NEK11: variants seen among roughly 807,000 people sequenced by gnomAD.
NEK11 encodes serine/threonine-protein kinase Nek11.
NEK11 carries 72 observed loss-of-function variants against 80.7 expected under a neutral mutation model. The observed-to-expected ratio is 0.89, with a 90% CI of 0.74 to 1.08. The LOEUF is 1.08. NEK11 is among the 50% of genes least tolerant of loss of function. The pLI is 0.00. For synonymous variants in NEK11, 251 were observed against 260.7 expected, an observed-to-expected ratio of 0.96 and a Z score of 0.36; for missense variants, 764 against 763.6, an observed-to-expected ratio of 1.00 and a Z score of -0.01.
At chr3:131,090,328 A>T (rs1488785743) in intron 4 of NEK11, among the ~76,000 whole-genome samples, 1 of 152,228 alleles carries the variant, frequency 6.6e-6, no homozygotes, top group Non-Finnish European at 1.5e-5. Context: ...TCAAAACCTT[A>T]GAAGTTAACA....
intron 3 of NEK11, among the ~76,000 whole-genome samples, chr3:131,050,346 G>A (rs575865196): frequency 2.0e-5 from 3 of 152,302 alleles, no homozygotes; most frequent in South Asian, 4.2e-4. Flanking sequence ...AGCCTTCTGA[G>A]ACAGGATCAG....
intron 3 of NEK11, among the ~76,000 whole-genome samples, chr3:131,050,903 G>T (rs915915906): frequency 9.9e-5 from 15 of 152,142 alleles, no homozygotes; most frequent in Non-Finnish European, 2.1e-4. Context: ...GCGCATGCCT[G>T]CAGTCTGTCC....
intron 17 of NEK11, among the ~76,000 whole-genome samples, chr3:131,277,080 T>C (rs562160284): frequency 6.6e-6 from 1 of 152,360 alleles, no homozygotes; most frequent in East Asian, 1.9e-4. Flanking sequence ...CTTTTGGTGG[T>C]AGCCTACATA....
intron 17 of NEK11, among the ~76,000 whole-genome samples, chr3:131,304,573 T>C (rs1168880953): frequency 6.6e-6 from 1 of 152,172 alleles, no homozygotes; most frequent in Non-Finnish European, 1.5e-5. Flanking sequence ...ATGGGTTTTT[T>C]GCTTTTATCG....
intron 5 of NEK11, among the ~76,000 whole-genome samples, chr3:131,126,874 C>T (rs1416237628): frequency 6.6e-6 from 1 of 151,678 alleles, no homozygotes; most frequent in African/African-American, 2.4e-5. Flanking sequence ...TCTAGGAATC[C>T]ATTTATATAT....
At chr3:131,229,029 G>C (rs1292117425) in intron 15 of NEK11, among the ~76,000 whole-genome samples, 1 of 152,120 alleles carries the variant, frequency 6.6e-6, no homozygotes, top group Non-Finnish European at 1.5e-5. Flanking sequence ...CAGAGAGAAT[G>C]GCACTTTTTA....
At chr3:131,165,385 C>A (rs373646103) in intron 11 of NEK11, 41 bp from the exon 12 acceptor site, 3 of 1,221,164 alleles carry the variant, frequency 2.5e-6, no homozygotes, top group Non-Finnish European at 3.6e-6. Context: ...ATGGTTTTAG[C>A]AATTCGCAGT....
chr3:131,254,844 ACCCCGTCT>A (rs2095775391), intron 16 of NEK11, among the ~76,000 whole-genome samples: 1 of 151,964 alleles, frequency 6.6e-6, no homozygotes, highest in African/African-American at 2.4e-5. Context: ...ACATGGTGAA[ACCCCGTCT>A]CTACTAAAAA....
chr3:131,042,003 G>T (rs2066570596), intron 3 of NEK11, among the ~76,000 whole-genome samples: 2 of 152,156 alleles, frequency 1.3e-5, no homozygotes, highest in South Asian at 4.1e-4. Flanking sequence ...CAAGGGGTTG[G>T]GGAGCTCCCT....
intron 17 of NEK11, among the ~76,000 whole-genome samples, chr3:131,311,065 G>A (rs1456233438): frequency 6.6e-6 from 1 of 152,072 alleles, no homozygotes; most frequent in African/African-American, 2.4e-5. Flanking sequence ...AAGTAAATAT[G>A]TACAGAATTA....
chr3:131,309,924 A>T (rs1032115077), intron 17 of NEK11, among the ~76,000 whole-genome samples: 1 of 141,594 alleles, frequency 7.1e-6, no homozygotes, highest in Non-Finnish European at 1.5e-5. Context: ...GAGAGAGTGA[A>T]GCTGCAGTAA....
chr3:131,042,138 G>A (rs902160928), intron 3 of NEK11, among the ~76,000 whole-genome samples: 1 of 152,070 alleles, frequency 6.6e-6, no homozygotes, highest in Non-Finnish European at 1.5e-5. Context: ...CACCACAAGC[G>A]CCCTGGGTTT....
intron 3 of NEK11, among the ~76,000 whole-genome samples, chr3:131,060,305 G>T (rs2070608978): frequency 6.6e-6 from 1 of 152,196 alleles, no homozygotes; most frequent in African/African-American, 2.4e-5. Context: ...TAAACATAAA[G>T]GTATTGGAGG....
At chr3:131,177,811 A>T (rs1399986217) in intron 14 of NEK11, among the ~76,000 whole-genome samples, 1 of 152,234 alleles carries the variant, frequency 6.6e-6, no homozygotes, top group Admixed American at 6.5e-5. Context: ...ACAACATACA[A>T]AAAACCTATT....
Position 131,181,612 on chromosome 3 carries a change from G to A in NEK11, c.1399+10725G>A, listed in dbSNP as rs554689373. On this transcript the variant is annotated intron_variant, in intron 14 of 17. Coordinates refer to ENST00000383366, the MANE Select transcript of NEK11 (RefSeq NM_024800.5). Reference sequence around the variant, plus strand: ...ATACAAAAAATTAGCAGGGTGTGGTGGCGGGCGCCTGTAGTCCCAGCTACT... The same window carrying A: ...ATACAAAAAATTAGCAGGGTGTGGTAGCGGGCGCCTGTAGTCCCAGCTACT... Among the ~76,000 whole-genome samples the A allele has an allele frequency of 2.1e-3, 312 of 152,084 alleles. 1 individual carries two copies. Among genetic ancestry groups the A allele is most frequent in the African/African-American group, 5.4e-3 (225 of 41,480 alleles).
intron 4 of NEK11, among the ~76,000 whole-genome samples, chr3:131,085,289 G>T (rs562737968): frequency 2.6e-5 from 4 of 152,184 alleles, no homozygotes; most frequent in Non-Finnish European, 1.5e-5. Context: ...GATGCCTTAT[G>T]AACTTGAAGT....
chr3:131,084,497 A>G (rs2149072771), intron 4 of NEK11, among the ~76,000 whole-genome samples: 1 of 152,350 alleles, frequency 6.6e-6, no homozygotes, highest in African/African-American at 2.4e-5. Context: ...CCTGTGAGAT[A>G]CTGCCTGAAA....
intron 5 of NEK11, among the ~76,000 whole-genome samples, chr3:131,110,829 C>T (rs939917711): frequency 1.3e-5 from 2 of 152,112 alleles, no homozygotes; most frequent in Non-Finnish European, 1.5e-5. Context: ...TTCTGTAATT[C>T]GCCATGTATC....
At chr3:131,046,086 G>GT in intron 3 of NEK11, among the ~76,000 whole-genome samples, 1 of 152,210 alleles carries the variant, frequency 6.6e-6, no homozygotes, top group South Asian at 2.1e-4. Context: ...TTTAAGTGGA[G>GT]CATTTATGTT....
Sources: gnomAD v4.1 joint callset for allele counts (sites outside exome capture counted in the v4.1 genomes callset) on GRCh38, gnomAD v4.1.1 for gene constraint, MANE v1.5 for transcripts, NCBI Gene and HGNC (gene_info 2026-07-23, HGNC 2026-07-21) for gene names.